ITGB5: variants seen among roughly 807,000 people sequenced by gnomAD.
ITGB5 encodes integrin subunit beta 5, also known as integrin beta-5.
ITGB5 carries 38 observed loss-of-function variants against 84.8 expected under a neutral mutation model. The ratio of observed to expected loss-of-function variants is 0.45; its 90% CI spans 0.35 to 0.59. The LOEUF (loss-of-function observed/expected upper bound fraction) is 0.59, where lower values mean the gene tolerates loss of function less well. Among genes scored for constraint, ITGB5 ranks in the 20% least tolerant of loss-of-function variants. The pLI, the probability that ITGB5 is intolerant of heterozygous loss-of-function variation, is 0.01. For missense variants in ITGB5, 905 were observed against 1,034.5 expected (o/e 0.87, Z 1.72); for synonymous variants, 393 against 414.4 (o/e 0.95, Z 0.63).
At chr3:124,846,949 A>C (rs2065086904) in intron 4 of ITGB5, among the ~76,000 whole-genome samples, 1 of 152,166 alleles carries the variant, frequency 6.6e-6, no homozygotes, top group Non-Finnish European at 1.5e-5. Flanking sequence ...AAAAATGCAA[A>C]TGCAGACTCT....
At position 124,766,365 on chromosome 3, in the gene ITGB5, G is replaced by C. The variant is rs1484500697; in HGVS notation, c.2018-20C>G. ...CTTTCACTGGAAGAAAACCAAGCGG[G>C]AATGGCCTGAGTCTCTCTGAGCAGC... On this transcript the variant is annotated intron_variant, in intron 12 of 14. Coordinates refer to ENST00000296181, the MANE Select transcript of ITGB5 (RefSeq NM_002213.5). 1 of 1,613,260 alleles carries C rather than the reference G, an allele frequency of 6.2e-7. No individual in the cohort carries two copies. Among genetic ancestry groups the C allele is most frequent in the Non-Finnish European group, 8.5e-7 (1 of 1,179,546 alleles).
Position 124,809,006 on chromosome 3 carries a change from T to C in ITGB5, c.1263+16A>G, listed in dbSNP as rs755805451. On this transcript the variant is annotated intron_variant, in intron 9 of 14. Coordinates refer to ENST00000296181, the MANE Select transcript of ITGB5 (RefSeq NM_002213.5). The stretch of plus-strand genomic sequence containing the variant: ...AATGCTAACAAGAGTTCATACAAAC[T>C]TGGGGTGAGACTTACCGTGTCCCCA... 5 of 1,612,296 alleles carry C rather than the reference T, an allele frequency of 3.1e-6. No individual in the cohort carries two copies. Among genetic ancestry groups the C allele is most frequent in the Middle Eastern group, 1.6e-4 (1 of 6,070 alleles).
intron 8 of ITGB5, among the ~76,000 whole-genome samples, chr3:124,814,352 T>C (rs186867509): frequency 3.4e-4 from 52 of 152,052 alleles, no homozygotes; most frequent in Admixed American, 8.5e-4. Context: ...ATGTTCAGTA[T>C]CTCTATGGTG....
In ITGB5 at chr3:124,886,958, G is replaced by A. The variant is rs1934846807; in HGVS notation, c.43C>T (p.Leu15Phe). The change falls in exon 1 of 15, where the codon CTC becomes TTC. Residue 15 changes from leucine (L) to phenylalanine (F), a missense_variant. Leu to Phe is a conservative substitution (Grantham distance 22, BLOSUM62 0). This residue lies in a region of ITGB5 where 656 missense variants were observed against 734.7 expected (regional missense o/e 0.89). Transcript: ENST00000296181. ...GCGAGCCGGGGCAGGAGCGCGCAGA[G>A]CCCCAGGAGGCAGGCGTACAGCGGC... ...PAPLYACLLG[L>F]CALLPRLAGL... The A allele has an allele frequency of 8.3e-7, 1 of 1,208,116 alleles. No individual in the cohort carries two copies. The highest frequency in any genetic ancestry group is 4.1e-5 in the South Asian group (1 of 24,156). 74.8% of individuals were successfully genotyped at this position (1,208,116 alleles called of 1,614,324 possible). A position where few individuals can be genotyped will look rare whatever the true frequency, so the allele number is the denominator to read the frequency against.
chr3:124,764,338 A>G (rs2063736183), intron 14 of ITGB5, 53 bp downstream of exon 14: 1 of 1,566,156 alleles, frequency 6.4e-7, no homozygotes, highest in Non-Finnish European at 8.7e-7. Flanking sequence ...GCTGAACTCA[A>G]CCACGCCTCT....
intron 9 of ITGB5, among the ~76,000 whole-genome samples, chr3:124,797,157 C>T (rs564276319): frequency 6.6e-6 from 1 of 152,332 alleles, no homozygotes; most frequent in South Asian, 2.1e-4. Flanking sequence ...TTTCTTTTCT[C>T]TTCTGTCCTA....
intron 10 of ITGB5, among the ~76,000 whole-genome samples, chr3:124,775,167 G>A (rs1000305153): frequency 2.0e-5 from 3 of 152,344 alleles, no homozygotes; most frequent in African/African-American, 7.2e-5. Context: ...AGGTGTGAGG[G>A]GCAGGAATAT....
chr3:124,767,371 G>A (rs1453562915), intron 12 of ITGB5, among the ~76,000 whole-genome samples: 1 of 152,250 alleles, frequency 6.6e-6, no homozygotes, highest in Non-Finnish European at 1.5e-5. Flanking sequence ...GTATGAGTGA[G>A]CATGTGAGTG....
At chr3:124,772,538 G>GTTTGTATTATGA (rs2063861632) in intron 11 of ITGB5, among the ~76,000 whole-genome samples, 1 of 152,220 alleles carries the variant, frequency 6.6e-6, no homozygotes, top group African/African-American at 2.4e-5. Flanking sequence ...GAGAAGCGAC[G>GTTTGTATTATGA]TTTGTATTAT....
intron 1 of ITGB5, among the ~76,000 whole-genome samples, chr3:124,885,926 G>A (rs541519140): frequency 5.9e-5 from 9 of 152,318 alleles, no homozygotes; most frequent in African/African-American, 1.9e-4. Context: ...GGGCAGCCAG[G>A]CAACCACTTG....
At chr3:124,879,054 CCT>C (rs749730621) in intron 1 of ITGB5, among the ~76,000 whole-genome samples, 6 of 152,206 alleles carry the variant, frequency 3.9e-5, no homozygotes, top group East Asian at 1.9e-4. Context: ...CTGACTCACC[CCT>C]GTGTTTCATC....
chr3:124,835,672 A>G (rs1320756669), intron 5 of ITGB5, among the ~76,000 whole-genome samples: 1 of 152,146 alleles, frequency 6.6e-6, no homozygotes, highest in Non-Finnish European at 1.5e-5. Context: ...AGGTTTGAGG[A>G]GTGGGGGGAT....
intron 10 of ITGB5, among the ~76,000 whole-genome samples, chr3:124,776,870 CTTTT>C (rs3836310): frequency 0.16 from 24,941 of 152,124 alleles, 2,223 homozygotes; most frequent in Admixed American, 0.25. Flanking sequence ...GTAGCCTATT[CTTTT>C]GCTGAAGGGC....
chr3:124,789,437 T>C, intron 10 of ITGB5, among the ~76,000 whole-genome samples: 1 of 140,368 alleles, frequency 7.1e-6, no homozygotes, highest in Admixed American at 7.1e-5. Flanking sequence ...TAGACAGGGT[T>C]ATCAGAACCG....
chr3:124,840,817 C>G (rs1465976001), intron 5 of ITGB5, among the ~76,000 whole-genome samples: 1 of 152,170 alleles, frequency 6.6e-6, no homozygotes, highest in East Asian at 1.9e-4. Context: ...GCACCCGTCA[C>G]CATGCCCGGC....
chr3:124,880,449 C>A (rs76696753), intron 1 of ITGB5, among the ~76,000 whole-genome samples: 6,545 of 152,148 alleles, frequency 0.043, 324 homozygotes, highest in East Asian at 0.12. Flanking sequence ...GCTCTAAATT[C>A]TTTGAAGGCT....
chr3:124,844,409 A>T (rs1321480494), intron 4 of ITGB5, among the ~76,000 whole-genome samples: 1 of 151,982 alleles, frequency 6.6e-6, no homozygotes, highest in African/African-American at 2.4e-5. Context: ...AAAATACAAA[A>T]ATTAGCTGGG....
At chr3:124,874,304 C>T (rs1421705541) in intron 1 of ITGB5, among the ~76,000 whole-genome samples, 8 of 64,386 alleles carry the variant, frequency 1.2e-4, no homozygotes, top group South Asian at 6.0e-4. Context: ...TCTCAAAAGC[C>T]GGAAAAAAAA....
intron 4 of ITGB5, among the ~76,000 whole-genome samples, chr3:124,847,791 A>C (rs188074228): frequency 4.6e-5 from 7 of 152,340 alleles, no homozygotes; most frequent in Admixed American, 4.6e-4. Context: ...TTTTCTAATA[A>C]TATGTCAAAT....
Sources: allele counts gnomAD v4.1 joint callset (sites outside exome capture counted in the v4.1 genomes callset), GRCh38; gene constraint gnomAD v4.1.1; regional missense constraint gnomAD v4.1.1; transcripts MANE v1.5; gene names NCBI Gene and HGNC (gene_info 2026-07-23, HGNC 2026-07-21).